The following GNB1 variants were observed in gnomAD, a reference collection of about 807,000 sequenced individuals.
The protein encoded by GNB1 is guanine nucleotide-binding protein G(I)/G(S)/G(T) subunit beta-1.
Under a neutral mutation model 42.9 loss-of-function variants are expected in GNB1, and 2 were observed. The ratio of observed to expected loss-of-function variants is 0.05; its 90% CI spans 0.02 to 0.15. GNB1 has a LOEUF of 0.15. GNB1 is among the 10% of genes least tolerant of loss of function. The pLI, the probability that GNB1 is intolerant of heterozygous loss-of-function variation, is 1.00. For synonymous variants in GNB1, 183 were observed against 174.7 expected, an observed-to-expected ratio of 1.05 and a Z score of -0.38; for missense variants, 193 against 462.2, an observed-to-expected ratio of 0.42 and a Z score of 5.34.
chr1:1,835,967 A>G (rs561789900), intron 2 of GNB1, among the ~76,000 whole-genome samples: 6 of 148,724 alleles, frequency 4.0e-5, no homozygotes, highest in African/African-American at 1.5e-4. Context: ...GTGCGTGCCT[A>G]TAGTCCCAAC....
chr1:1,858,029 C>T (rs1282023829), intron 1 of GNB1, among the ~76,000 whole-genome samples: 1 of 152,212 alleles, frequency 6.6e-6, no homozygotes, highest in African/African-American at 2.4e-5. Context: ...ACTGCACTAG[C>T]TGAGGACATG....
chr1:1,845,815 G>GT (rs1647618446), intron 1 of GNB1, among the ~76,000 whole-genome samples: 1 of 131,412 alleles, frequency 7.6e-6, no homozygotes. Flanking sequence ...TCATTTGTGT[G>GT]TAAGTCCATA....
intron 5 of GNB1, among the ~76,000 whole-genome samples, chr1:1,810,156 C>T (rs1646755648): frequency 6.6e-6 from 1 of 152,064 alleles, no homozygotes; most frequent in Non-Finnish European, 1.5e-5. Context: ...AGCTCTGCCT[C>T]CTGGGTTCAT....
intron 1 of GNB1, among the ~76,000 whole-genome samples, chr1:1,875,115 C>A (rs542546398): frequency 1.6e-3 from 240 of 152,256 alleles, no homozygotes; most frequent in African/African-American, 5.6e-3. Flanking sequence ...CCACCTCTCA[C>A]CTGCTGTGCA....
chr1:1,850,827 A>G (rs1322365079), intron 1 of GNB1, among the ~76,000 whole-genome samples: 1 of 152,212 alleles, frequency 6.6e-6, no homozygotes, highest in Non-Finnish European at 1.5e-5. Flanking sequence ...GATATTCAAT[A>G]AAACCAGAAT....
At chr1:1,858,495 A>T (rs1347396173) in intron 1 of GNB1, among the ~76,000 whole-genome samples, 1 of 151,954 alleles carries the variant, frequency 6.6e-6, no homozygotes, top group Non-Finnish European at 1.5e-5. Flanking sequence ...CCGAAGACTT[A>T]ATTTTGATTC....
At chr1:1,841,339 C>T (rs1647236864) in intron 1 of GNB1, among the ~76,000 whole-genome samples, 1 of 152,176 alleles carries the variant, frequency 6.6e-6, no homozygotes, top group South Asian at 2.1e-4. Flanking sequence ...CAGGCACACG[C>T]CATGCCTTTT....
intron 1 of GNB1, among the ~76,000 whole-genome samples, chr1:1,847,635 A>C (rs951821338): frequency 2.0e-5 from 3 of 152,228 alleles, no homozygotes; most frequent in South Asian, 4.1e-4. Flanking sequence ...GAAGATGCCA[A>C]GGTTGTTACA....
At chr1:1,868,553 C>T (rs536890407) in intron 1 of GNB1, among the ~76,000 whole-genome samples, 1 of 152,136 alleles carries the variant, frequency 6.6e-6, no homozygotes, top group African/African-American at 2.4e-5. Context: ...GAGGCCGAGG[C>T]AGGTGAATCA....
At chr1:1,881,420 A>ATTTTTTTT (rs532230482) in intron 1 of GNB1, among the ~76,000 whole-genome samples, 1 of 125,058 alleles carries the variant, frequency 8.0e-6, no homozygotes. Context: ...GTAAAAGTTC[A>ATTTTTTTT]TTTTTTTCTT....
intron 1 of GNB1, among the ~76,000 whole-genome samples, chr1:1,871,132 C>T (rs946840672): frequency 6.6e-6 from 1 of 152,040 alleles, no homozygotes; most frequent in Non-Finnish European, 1.5e-5. Context: ...AAGGGCTGAC[C>T]ACCTAGTACC....
At chr1:1,890,747 GGGGCGGGCGCCCCCA>G (rs1188755292) in intron 1 of GNB1, 58 bp downstream of exon 1, 1 of 148,408 alleles carries the variant, frequency 6.7e-6, no homozygotes, top group Non-Finnish European at 1.5e-5. Flanking sequence ...GGGTGGGGGC[GGGGCGGGCGCCCCCA>G]GGGCGGGCGG....
intron 1 of GNB1, among the ~76,000 whole-genome samples, chr1:1,879,941 G>GT (rs1279495142): frequency 6.6e-6 from 1 of 151,730 alleles, no homozygotes; most frequent in Non-Finnish European, 1.5e-5. Context: ...TGTTGTTGTT[G>GT]TTTTTTAAGA....
chr1:1,879,838 C>T (rs1649745481), intron 1 of GNB1, among the ~76,000 whole-genome samples: 1 of 152,120 alleles, frequency 6.6e-6, no homozygotes, highest in Non-Finnish European at 1.5e-5. Context: ...CTGCTCTCAG[C>T]CTGATGCAAT....
At chr1:1,829,333 G>T (rs1179136943) in intron 2 of GNB1, among the ~76,000 whole-genome samples, 6 of 152,136 alleles carry the variant, frequency 3.9e-5, no homozygotes, top group Admixed American at 2.6e-4. Context: ...GGGATTACAG[G>T]TATGAGCCAT....
Position 1,787,542 on chromosome 1 carries a change from A to T in GNB1, c.917-105T>A, listed in dbSNP as rs1235217349. 1 of 662,266 alleles carries T rather than the reference A, an allele frequency of 1.5e-6. No individual in the cohort carries two copies. The highest frequency in any genetic ancestry group is 1.8e-5 in the African/African-American group (1 of 55,266). The allele number at this position is 662,266 out of a possible 1,614,324, so 41.0% of individuals were successfully genotyped here. A position where few individuals can be genotyped will look rare whatever the true frequency, so the allele number is the denominator to read the frequency against. On this transcript the variant is annotated intron_variant, in intron 10 of 11. Coordinates refer to ENST00000378609, the MANE Select transcript of GNB1 (RefSeq NM_002074.5). This position sits in a 1 kb window ranked among gnomAD's most constrained non-coding sequence, Gnocchi z 4.4. ...GATGGTGCATCTCTCATGGGACAAG[A>T]CCCAGAGTCTCCCACGGCCAGGAAG... is the stretch of plus-strand genomic sequence containing the variant.
At chr1:1,838,191 A>C (rs1432364586) in intron 2 of GNB1, among the ~76,000 whole-genome samples, 5 of 152,146 alleles carry the variant, frequency 3.3e-5, no homozygotes, top group African/African-American at 1.2e-4. Flanking sequence ...CAACAGAGCA[A>C]GACTCTGTCT....
chr1:1,810,982 A>C (rs1325272433), intron 5 of GNB1, among the ~76,000 whole-genome samples: 1 of 147,698 alleles, frequency 6.8e-6, no homozygotes. Context: ...ATGTAGCTTT[A>C]TTTGTGTTTT....
chr1:1,846,335 G>A (rs1383987183), intron 1 of GNB1, among the ~76,000 whole-genome samples: 1 of 152,124 alleles, frequency 6.6e-6, no homozygotes, highest in African/African-American at 2.4e-5. Context: ...GGGAGGCCAA[G>A]GCAGGCGGAT....
Sources: allele counts gnomAD v4.1 joint callset (sites outside exome capture counted in the v4.1 genomes callset), GRCh38; gene constraint gnomAD v4.1.1; non-coding constraint Gnocchi (gnomAD v3.1); transcripts MANE v1.5; gene names NCBI Gene and HGNC (gene_info 2026-07-23, HGNC 2026-07-21).